Variants in CAST observed in about 807,000 individuals in gnomAD.
CAST encodes MIR583 host.
A neutral mutation model predicts 119.6 loss-of-function variants in CAST; 76 were observed. The observed-to-expected ratio is 0.64, with a 90% CI of 0.53 to 0.77. The LOEUF (loss-of-function observed/expected upper bound fraction) is 0.77, where lower values mean the gene tolerates loss of function less well. CAST is among the 30% of genes least tolerant of loss of function. CAST has a pLI of 0.00. For synonymous variants in CAST, 319 were observed against 331.6 expected (o/e 0.96, Z 0.41); for missense variants, 953 against 946.5 (o/e 1.01, Z -0.09).
intron 1 of CAST, among the ~76,000 whole-genome samples, chr5:96,559,869 G>A (rs940181514): frequency 9.9e-5 from 15 of 152,032 alleles, no homozygotes; most frequent in Non-Finnish European, 2.2e-4. Flanking sequence ...AAGTTCATAT[G>A]GAACCAAAAA....
At chr5:96,103,585 T>C in the CAST span, among the ~76,000 whole-genome samples, 1 of 151,232 alleles carries the variant, frequency 6.6e-6, no homozygotes, top group African/African-American at 2.4e-5. Flanking sequence ...CACATTTTCT[T>C]AATCCAGTCT....
At chr5:96,120,616 C>T in the CAST span, among the ~76,000 whole-genome samples, 8 of 149,472 alleles carry the variant, frequency 5.4e-5, no homozygotes, top group Admixed American at 2.0e-4. Context: ...CCTGGAATAC[C>T]GTAATAGCCT....
the CAST span, among the ~76,000 whole-genome samples, chr5:96,448,735 G>T: frequency 6.6e-6 from 1 of 151,916 alleles, no homozygotes. Context: ...AGGAGTCTGG[G>T]CTAGTATACT....
intron 1 of CAST, among the ~76,000 whole-genome samples, chr5:96,558,989 C>T (rs1360463149): frequency 1.3e-5 from 2 of 152,038 alleles, no homozygotes; most frequent in South Asian, 2.1e-4. Context: ...TCCAGCAGCA[C>T]ATCAAAAAGC....
the CAST span, among the ~76,000 whole-genome samples, chr5:96,280,997 T>C: frequency 6.6e-6 from 1 of 152,180 alleles, no homozygotes; most frequent in East Asian, 1.9e-4. Context: ...AGAAACAATA[T>C]GCCCATGGCA....
intron 3 of CAST, among the ~76,000 whole-genome samples, chr5:96,706,703 T>C (rs1444217812): frequency 2.0e-5 from 3 of 152,230 alleles, no homozygotes; most frequent in African/African-American, 7.2e-5. Context: ...CATTATTTTC[T>C]TAATCTCTTC....
intron 16 of CAST, among the ~76,000 whole-genome samples, chr5:96,745,556 A>C (rs1465595061): frequency 6.6e-6 from 1 of 152,188 alleles, no homozygotes; most frequent in African/African-American, 2.4e-5. Flanking sequence ...TGAACCTCCT[A>C]CCTTGGTTAG....
the CAST span, among the ~76,000 whole-genome samples, chr5:96,479,450 C>CTTTTTTTTT: frequency 5.2e-5 from 6 of 115,296 alleles, 1 homozygote; most frequent in Non-Finnish European, 1.9e-5. Context: ...CCAGGCACTC[C>CTTTTTTTTT]TTATTTTTTT....
chr5:96,449,674 A>C, the CAST span, among the ~76,000 whole-genome samples: 2 of 152,220 alleles, frequency 1.3e-5, no homozygotes, highest in Non-Finnish European at 2.9e-5. Flanking sequence ...ATTCAACCCT[A>C]AATTCTCAGC....
intron 1 of CAST, among the ~76,000 whole-genome samples, chr5:96,669,758 C>T (rs1278191812): frequency 6.6e-6 from 1 of 152,192 alleles, no homozygotes; most frequent in Non-Finnish European, 1.5e-5. Flanking sequence ...CCCTGGGAAC[C>T]TCCCCATGGG....
intron 1 of CAST, among the ~76,000 whole-genome samples, chr5:96,675,048 C>G (rs1481410486): frequency 2.0e-5 from 3 of 152,158 alleles, no homozygotes; most frequent in Non-Finnish European, 4.4e-5. Context: ...AAGGCCATAA[C>G]ACATAGAAGA....
the CAST span, among the ~76,000 whole-genome samples, chr5:96,359,997 C>T: frequency 6.6e-6 from 1 of 152,144 alleles, no homozygotes; most frequent in African/African-American, 2.4e-5. Context: ...GGTCTTTTCA[C>T]ATAGTCCCAT....
the CAST span, among the ~76,000 whole-genome samples, chr5:96,330,212 TA>T: frequency 6.6e-6 from 1 of 152,346 alleles, no homozygotes; most frequent in South Asian, 2.1e-4. Flanking sequence ...AAAAACCATT[TA>T]AAAAGACCAT....
intron 3 of CAST, among the ~76,000 whole-genome samples, chr5:96,718,760 C>T (rs1757648644): frequency 6.6e-6 from 1 of 152,074 alleles, no homozygotes; most frequent in Non-Finnish European, 1.5e-5. Flanking sequence ...TAGTAACCCT[C>T]AACAAACAAA....
chr5:96,046,939 C>T, the CAST span, among the ~76,000 whole-genome samples: 1 of 152,088 alleles, frequency 6.6e-6, no homozygotes, highest in South Asian at 2.1e-4. Flanking sequence ...AAGACCAGCC[C>T]CCATGATTCA....
chr5:96,233,773 C>T, the CAST span, among the ~76,000 whole-genome samples: 16 of 151,974 alleles, frequency 1.1e-4, no homozygotes, highest in South Asian at 1.0e-3. Flanking sequence ...TGTATAGTTT[C>T]GACTGTAAGA....
At chr5:96,718,185 C>A (rs531090346) in intron 3 of CAST, among the ~76,000 whole-genome samples, 13 of 152,268 alleles carry the variant, frequency 8.5e-5, no homozygotes, top group East Asian at 7.7e-4. Flanking sequence ...GGCTAATAAG[C>A]ATTGGAGCAG....
chr5:96,106,782 G>A, the CAST span, among the ~76,000 whole-genome samples: 45 of 150,346 alleles, frequency 3.0e-4, no homozygotes, highest in African/African-American at 1.1e-3. Flanking sequence ...TATCCTTGTT[G>A]ACTTTCTGTC....
chr5:96,561,379 A>T (rs1016270440), intron 1 of CAST, among the ~76,000 whole-genome samples: 10 of 151,548 alleles, frequency 6.6e-5, no homozygotes, highest in African/African-American at 2.4e-4. Context: ...AAAGGAAAAT[A>T]AAAAAATTAA....
Sources: allele counts gnomAD v4.1 joint callset (sites outside exome capture counted in the v4.1 genomes callset), GRCh38; gene constraint gnomAD v4.1.1; transcripts MANE v1.5; gene names NCBI Gene and HGNC (gene_info 2026-07-23, HGNC 2026-07-21).